MARK1: variants seen among roughly 807,000 people sequenced by gnomAD.
The protein encoded by MARK1 is serine/threonine-protein kinase MARK1.
A neutral mutation model predicts 96.3 loss-of-function variants in MARK1; 40 were observed. The ratio of observed to expected loss-of-function variants is 0.42; its 90% confidence interval spans 0.32 to 0.54. MARK1 has a LOEUF of 0.54. MARK1 is among the 20% of genes least tolerant of loss of function. MARK1 has a pLI of 0.16. For missense variants in MARK1, 719 were observed against 984.6 expected, an observed-to-expected ratio of 0.73 and a Z score of 3.61; for synonymous variants, 317 against 341.2, an observed-to-expected ratio of 0.93 and a Z score of 0.78.
At chr1:220,660,490 ATATT>A (rs1328679993) in intron 17 of MARK1, among the ~76,000 whole-genome samples, 1 of 152,150 alleles carries the variant, frequency 6.6e-6, no homozygotes, top group Non-Finnish European at 1.5e-5. Flanking sequence ...AAATGTATAT[ATATT>A]AATTTAAAAG....
At chr1:220,542,031 A>G (rs571103228) in intron 1 of MARK1, among the ~76,000 whole-genome samples, 1 of 152,246 alleles carries the variant, frequency 6.6e-6, no homozygotes, top group Admixed American at 6.5e-5. Flanking sequence ...GCTGGGTTCT[A>G]TCAGCATCTA....
At chr1:220,661,727 G>T in intron 17 of MARK1, 85 bp from the exon 18 acceptor site, 1 of 1,014,214 alleles carries the variant, frequency 9.9e-7, no homozygotes, top group South Asian at 1.7e-5. Context: ...ACTGAACTAT[G>T]ACCACTTAGA....
At chr1:220,590,402 C>A (rs1375657873) in intron 3 of MARK1, among the ~76,000 whole-genome samples, 1 of 152,116 alleles carries the variant, frequency 6.6e-6, no homozygotes, top group Non-Finnish European at 1.5e-5. Flanking sequence ...TTTGGTTTCT[C>A]CTGAGTTCTC....
At position 220,661,968 on chromosome 1, in the gene MARK1, T is replaced by G. The variant is rs1669505719; in HGVS notation, c.2190T>G (p.Cys730Trp). Reference protein sequence around the residue: ...EIRKVLDANNCDYEQKERFLL... With the variant: ...EIRKVLDANNWDYEQKERFLL... The stretch of plus-strand genomic sequence containing the variant: ...GAAAAGTGTTAGATGCAAATAACTG[T>G]GATTATGAGCAAAAAGAGAGATTTT... The change falls in exon 18 of 18, where the codon TGT becomes TGG. Residue 730 changes from cysteine to tryptophan, a missense_variant. Coordinates refer to ENST00000366917, the MANE Select transcript of MARK1 (RefSeq NM_018650.5). 1.7e-5 allele frequency: 28 copies of G among 1,614,118 alleles called. No individual in the cohort carries two copies. The highest frequency in any genetic ancestry group is 2.4e-5 in the Non-Finnish European group (28 of 1,180,028).
rs1449406064 is a variant in MARK1 at position 220,618,657 on chromosome 1, C to T, written c.811C>T (p.Arg271Ter). ...TAAGGAACTGCGAGAGCGAGTTTTA[C>T]GAGGGAAGTACCGTATTCCCTTCTA... ...NLKELRERVL[R>*]GKYRIPFYMS... The change falls in exon 9 of 18, where the codon CGA (arginine) becomes TGA (stop). Residue 271 changes from arginine (R) to a stop codon, truncating the protein, a stop_gained. Coordinates refer to ENST00000366917, the MANE Select transcript of MARK1 (RefSeq NM_018650.5). LOFTEE classifies it high-confidence loss of function. The surrounding 1 kb of genome is among the most constrained non-coding windows in gnomAD (Gnocchi z 4.6). The T allele has an allele frequency of 1.9e-6, 3 of 1,613,604 alleles. No homozygotes were observed. The highest frequency in any genetic ancestry group is 2.7e-5 in the African/African-American group (2 of 74,890).
At chr1:220,615,034 C>A (rs1666660366) in intron 6 of MARK1, among the ~76,000 whole-genome samples, 1 of 152,100 alleles carries the variant, frequency 6.6e-6, no homozygotes, top group South Asian at 2.1e-4. Flanking sequence ...ATCCACAGAA[C>A]TGAATGTTCT....
At position 220,631,050 on chromosome 1, in the gene MARK1, C is replaced by T. The variant is rs1342564019; in HGVS notation, c.925C>T (p.Arg309Ter). 2.5e-6 allele frequency: 4 copies of T among 1,610,030 alleles called. No individual in the cohort carries two copies. Among genetic ancestry groups the T allele is most frequent in the Non-Finnish European group, 3.4e-6 (4 of 1,177,048 alleles). The change falls in exon 10 of 18, where the codon CGA becomes TGA. Residue 309 changes from arginine (R) to a stop codon, truncating the protein, a stop_gained. Coordinates refer to ENST00000366917, the MANE Select transcript of MARK1 (RefSeq NM_018650.5). LOFTEE classifies it high-confidence loss of function. Reference sequence around the variant, plus strand: ...TATTTCCTAGCAAATAATGAAAGATCGATGGATGAATGTTGGTCATGAAGA... The same window carrying T: ...TATTTCCTAGCAAATAATGAAAGATTGATGGATGAATGTTGGTCATGAAGA... ...RGSLEQIMKD[R>*]WMNVGHEEEE...
chr1:220,535,173 C>G (rs1660599542), intron 1 of MARK1, among the ~76,000 whole-genome samples: 1 of 152,124 alleles, frequency 6.6e-6, no homozygotes, highest in African/African-American at 2.4e-5. Context: ...TACATTTCCA[C>G]CAACAGTGCA....
intron 1 of MARK1, among the ~76,000 whole-genome samples, chr1:220,553,343 G>A (rs1006166624): frequency 3.9e-5 from 6 of 152,162 alleles, no homozygotes; most frequent in African/African-American, 9.7e-5. Context: ...TGGGACTCTA[G>A]TGCTCCATCT....
chr1:220,579,169 T>G (rs551416680), intron 1 of MARK1, among the ~76,000 whole-genome samples, 185 bp from the exon 2 acceptor site: 2 of 152,140 alleles, frequency 1.3e-5, no homozygotes, highest in African/African-American at 4.8e-5. Flanking sequence ...TAAACAATTA[T>G]ACTCTACCTG....
intron 14 of MARK1, among the ~76,000 whole-genome samples, chr1:220,651,734 A>G (rs968612241): frequency 1.3e-5 from 2 of 152,194 alleles, no homozygotes; most frequent in Admixed American, 6.5e-5. Flanking sequence ...ACTTTCTCAC[A>G]TTTACATACA....
At chr1:220,649,316 T>A (rs1280360374) in intron 13 of MARK1, among the ~76,000 whole-genome samples, 1 of 152,086 alleles carries the variant, frequency 6.6e-6, no homozygotes, top group Non-Finnish European at 1.5e-5. Flanking sequence ...CTTCTCAAGT[T>A]CTTGGGCTCA....
At chr1:220,571,767 G>T (rs189141100) in intron 1 of MARK1, 6 of 152,112 alleles carry the variant, frequency 3.9e-5, no homozygotes, top group Admixed American at 2.6e-4. Context: ...TGTTGCCCAG[G>T]CTGGAATGCA....
intron 1 of MARK1, among the ~76,000 whole-genome samples, chr1:220,560,836 T>G (rs73093521): frequency 0.019 from 2,924 of 152,308 alleles, 41 homozygotes; most frequent in Middle Eastern, 0.044. Context: ...ACAGATAAGC[T>G]GGGAATACTG....
intron 1 of MARK1, among the ~76,000 whole-genome samples, chr1:220,541,902 G>C (rs1661173338): frequency 6.6e-6 from 1 of 152,174 alleles, no homozygotes; most frequent in Non-Finnish European, 1.5e-5. Flanking sequence ...TGATAGGGAA[G>C]GACTTACTAT....
intron 9 of MARK1, chr1:220,626,588 C>G (rs1466126952): frequency 5.1e-6 from 2 of 389,014 alleles, no homozygotes; most frequent in Non-Finnish European, 1.0e-5. Context: ...TTGGGAGGCC[C>G]AGGCAGGAGA....
chr1:220,576,078 G>T (rs192267664), intron 1 of MARK1, among the ~76,000 whole-genome samples: 216 of 12,760 alleles, frequency 0.017, 1 homozygote, highest in African/African-American at 0.06. Context: ...TCTTCCAATT[G>T]TTCATAAGTT....
intron 1 of MARK1, among the ~76,000 whole-genome samples, chr1:220,551,840 A>G (rs148032423): frequency 1.2e-3 from 176 of 152,314 alleles, no homozygotes; most frequent in African/African-American, 4.1e-3. Context: ...TCCTTCAACT[A>G]CTGATTCCAT....
At chr1:220,610,106 G>T (rs1361909606) in intron 6 of MARK1, among the ~76,000 whole-genome samples, 2 of 152,124 alleles carry the variant, frequency 1.3e-5, no homozygotes, top group Non-Finnish European at 2.9e-5. Flanking sequence ...GCCTTGCTAG[G>T]TTGGGGAAGT....
Sources: gnomAD v4.1 joint callset for allele counts (sites outside exome capture counted in the v4.1 genomes callset) on GRCh38, gnomAD v4.1.1 for gene constraint, Gnocchi (gnomAD v3.1) non-coding constraint, MANE v1.5 for transcripts, NCBI Gene and HGNC (gene_info 2026-07-23, HGNC 2026-07-21) for gene names.